The following AASDH variants were observed in gnomAD, a reference collection of about 807,000 sequenced individuals.
The protein encoded by AASDH is aminoadipate-semialdehyde dehydrogenase.
AASDH carries 81 observed loss-of-function variants against 102.3 expected under a neutral mutation model. That is an observed-to-expected ratio of 0.79 (90% confidence interval 0.66 to 0.95). The LOEUF is 0.95. Ranked by LOEUF, AASDH falls within the 40% of genes least tolerant of loss-of-function variation. The pLI is 0.00. For synonymous variants in AASDH, 398 were observed against 454.0 expected (o/e 0.88, Z 1.57); for missense variants, 1,203 against 1,266.2 (o/e 0.95, Z 0.76).
chr4:56,348,194 CTTCCT>C (rs1329272925), intron 11 of AASDH, among the ~76,000 whole-genome samples: 2 of 150,976 alleles, frequency 1.3e-5, no homozygotes, highest in African/African-American at 2.4e-5. Context: ...CTTTGATGTA[CTTCCT>C]TTCAAGAGGT....
intron 5 of AASDH, chr4:56,356,795 T>C: frequency 1.3e-6 from 1 of 745,560 alleles, no homozygotes; most frequent in Non-Finnish European, 2.4e-6. Flanking sequence ...GTGGAAGCTA[T>C]TAGGACCAAT....
rs145426102 is a variant in AASDH, at chr4:56,347,052, A to C, written c.2489-1762T>G. ...CAAGACGCTGTCTTAAAAAAAAAAA[A>C]AAAGATGCTCAACATCACTGGTCAC... On this transcript the variant is annotated intron_variant, in intron 11 of 14. Coordinates refer to ENST00000205214, the MANE Select transcript of AASDH (RefSeq NM_181806.4). Among the ~76,000 whole-genome samples, 603 of 152,200 alleles carry C rather than the reference A, an allele frequency of 4.0e-3. 3 individuals are homozygous for C. Among genetic ancestry groups the C allele is most frequent in the Non-Finnish European group, 6.3e-3 (431 of 68,008 alleles).
chr4:56,365,095 A>T (rs1360062431), intron 5 of AASDH, among the ~76,000 whole-genome samples: 4 of 152,320 alleles, frequency 2.6e-5, no homozygotes, highest in East Asian at 1.9e-4. Context: ...TAGACTTTAA[A>T]CCAACAAAGA....
chr4:56,386,275 G>A (rs565100853), intron 1 of AASDH, among the ~76,000 whole-genome samples: 1 of 152,266 alleles, frequency 6.6e-6, no homozygotes, highest in African/African-American at 2.4e-5. Flanking sequence ...TAAATTATGA[G>A]GAATGAGTTC....
rs1307043140 is a variant in AASDH at position 56,355,300 on chromosome 4, T to C, written c.985A>G (p.Arg329Gly). The part of the protein sequence containing the change: ...GEAFPSLTVL[R>G]SWRGEGNKTQ... ...TTATTGCCTTCTCCTCTCCAGCTTCTGAGAACTGTCAATGATGGAAACGCT... is the reference window on the plus strand; with the variant it reads ...TTATTGCCTTCTCCTCTCCAGCTTCCGAGAACTGTCAATGATGGAAACGCT... The change falls in exon 6 of 15, where the codon AGA (arginine) becomes GGA (glycine). Residue 329 changes from arginine to glycine, a missense_variant. Arg to Gly is a moderately radical substitution (Grantham distance 125). Coordinates refer to ENST00000205214, the MANE Select transcript of AASDH (RefSeq NM_181806.4). The C allele has an allele frequency of 1.2e-6, 2 of 1,614,032 alleles. No homozygotes were observed. The highest frequency in any genetic ancestry group is 1.7e-6 in the Non-Finnish European group (2 of 1,180,022).
At chr4:56,343,541 T>C (rs766225124) in intron 13 of AASDH, 21 bp downstream of exon 13, 1 of 1,542,020 alleles carries the variant, frequency 6.5e-7, no homozygotes, top group Non-Finnish European at 8.7e-7. Flanking sequence ...ATAAAATCAA[T>C]ATGTATTATT....
intron 14 of AASDH, among the ~76,000 whole-genome samples, chr4:56,342,381 G>A (rs572276731): frequency 2.4e-4 from 36 of 152,096 alleles, no homozygotes; most frequent in Non-Finnish European, 4.9e-4. Context: ...CACAGTCTAT[G>A]ATTGTAACAA....
intron 5 of AASDH, among the ~76,000 whole-genome samples, chr4:56,362,012 T>C (rs1750357244): frequency 6.6e-6 from 1 of 152,202 alleles, no homozygotes; most frequent in South Asian, 2.1e-4. Flanking sequence ...TTAAATAATA[T>C]AACTTTGTTA....
chr4:56,355,512 G>A, intron 5 of AASDH, 89 bp from the exon 6 acceptor site: 1 of 1,260,916 alleles, frequency 7.9e-7, no homozygotes, highest in Non-Finnish European at 1.1e-6. Context: ...GTTAACATTT[G>A]GAGCCCACAT....
Position 56,349,527 on chromosome 4 carries a change from C to T in AASDH, c.2224G>A (p.Glu742Lys), listed in dbSNP as rs1748734437. ...KDPSCVAKVS[E>K]EGKPAIGTQK... is the part of the protein sequence containing the mutation. ...GTCCCTATCGCAGGTTTCCCCTCTT[C>T]AGAAACTTTTGCAACACAGGATGGA... is the stretch of plus-strand genomic sequence containing the variant. Residue 742 changes from glutamate to lysine, a missense_variant, in exon 11 of 15, where the codon GAA becomes AAA. Coordinates refer to ENST00000205214, the MANE Select transcript of AASDH (RefSeq NM_181806.4). The T allele has an allele frequency of 6.2e-7, 1 of 1,614,208 alleles. No homozygotes were observed. Among genetic ancestry groups the T allele is most frequent in the South Asian group, 1.1e-5 (1 of 91,086 alleles).
At chr4:56,356,766 AG>A in intron 5 of AASDH, 1 of 726,792 alleles carries the variant, frequency 1.4e-6, no homozygotes, top group Non-Finnish European at 2.5e-6. Context: ...TGGAAGACAA[AG>A]GCGTTTTGGC....
chr4:56,359,898 A>G (rs1022811827), intron 5 of AASDH, among the ~76,000 whole-genome samples: 1 of 152,042 alleles, frequency 6.6e-6, no homozygotes, highest in African/African-American at 2.4e-5. Flanking sequence ...GAGTCATCCC[A>G]TGTGTAGAAA....
At chr4:56,367,382 G>A (rs1751142012) in intron 5 of AASDH, among the ~76,000 whole-genome samples, 1 of 136,652 alleles carries the variant, frequency 7.3e-6, no homozygotes, top group Non-Finnish European at 1.6e-5. Flanking sequence ...AAGTTCATAT[G>A]GAACCAAAAA....
chr4:56,354,970 T>TA lies in AASDH; in HGVS notation c.1104-160dup, dbSNP rs148834008. ...AAAAGGTTAGGTGGAAAGGTAACCA[T>TA]ATATGTTATTCATTACTATTTAGTA... On this transcript the variant is annotated intron_variant, in intron 6 of 14. Transcript: ENST00000205214. Among the ~76,000 whole-genome samples the TA allele has an allele frequency of 3.0e-3, 455 of 152,350 alleles. 1 individual carries two copies. The highest frequency in any genetic ancestry group is 5.2e-3 in the Non-Finnish European group (352 of 68,034).
rs74785214 is a variant in AASDH at position 56,370,775 on chromosome 4, A to C, written c.861+676T>G. On this transcript the variant is annotated intron_variant, in intron 5 of 14. Transcript: ENST00000205214. ...GAACTATGCTACACTGTCTCATTTA[A>C]TTCTATTTGAGATGGGTATTATTTC... Among the ~76,000 whole-genome samples the C allele has an allele frequency of 1.0e-2, 1,519 of 152,334 alleles. 13 individuals are homozygous for C. The highest frequency in any genetic ancestry group is 0.034 in the African/African-American group (1,434 of 41,574).
At chr4:56,354,613 A>G in intron 7 of AASDH, 92 bp downstream of exon 7, 2 of 922,030 alleles carry the variant, frequency 2.2e-6, no homozygotes, top group Non-Finnish European at 3.3e-6. Flanking sequence ...AAAGCATGAG[A>G]TAGACAAAAG....
intron 4 of AASDH, among the ~76,000 whole-genome samples, chr4:56,376,903 T>C (rs1752400423): frequency 6.6e-6 from 1 of 150,970 alleles, no homozygotes; most frequent in Non-Finnish European, 1.5e-5. Context: ...CCGTCTCTAC[T>C]AAAAATACAA....
Position 56,343,592 on chromosome 4 carries a change from T to G in AASDH, c.2745A>C (p.Thr915=), listed in dbSNP as rs201878011. The G allele has an allele frequency of 6.2e-7, 1 of 1,610,140 alleles. No individual in the cohort carries two copies. Among genetic ancestry groups the G allele is most frequent in the African/African-American group, 1.3e-5 (1 of 74,812 alleles). Residue 915 remains threonine, a synonymous_variant, in exon 13 of 15, where the codon ACA becomes ACC. Transcript: ENST00000205214. Reference sequence around the variant, plus strand: ...TTACAGCCAGTAAAAGTCCTCCCAATGTAGCAAAATACAAATGATGTGGAA... The same window carrying G: ...TTACAGCCAGTAAAAGTCCTCCCAAGGTAGCAAAATACAAATGATGTGGAA... ...NLIPHHLYFA[T]LGGLLLAVNP... is the part of the protein sequence containing the mutation.
chr4:56,363,967 AC>A (rs1750664550), intron 5 of AASDH, among the ~76,000 whole-genome samples: 1 of 152,048 alleles, frequency 6.6e-6, no homozygotes, highest in Non-Finnish European at 1.5e-5. Context: ...GAAGTTAAAA[AC>A]CTTGAAAAAA....
Sources: allele counts gnomAD v4.1 joint callset (sites outside exome capture counted in the v4.1 genomes callset), GRCh38; gene constraint gnomAD v4.1.1; transcripts MANE v1.5; gene names NCBI Gene and HGNC (gene_info 2026-07-23, HGNC 2026-07-21).